Variants in CADM2 observed in about 807,000 individuals in gnomAD.
The protein encoded by CADM2 is immunoglobulin superfamily member 4D.
A neutral mutation model predicts 49.8 loss-of-function variants in CADM2; 12 were observed. The observed-to-expected ratio is 0.24, with a 90% CI of 0.15 to 0.39. CADM2 has a LOEUF of 0.39. CADM2 is among the 10% of genes least tolerant of loss of function. The pLI, the probability that CADM2 is intolerant of heterozygous loss-of-function variation, is 1.00. For missense variants in CADM2, 378 were observed against 492.3 expected, an observed-to-expected ratio of 0.77 and a Z score of 2.20; for synonymous variants, 214 against 175.4, an observed-to-expected ratio of 1.22 and a Z score of -1.74.
At chr3:85,515,967 T>C (rs1179426305) in intron 1 of CADM2, among the ~76,000 whole-genome samples, 1 of 152,186 alleles carries the variant, frequency 6.6e-6, no homozygotes, top group African/African-American at 2.4e-5. Flanking sequence ...ATTTTTAAAC[T>C]ACACAAACTT....
At chr3:85,490,985 A>C (rs1247402741) in intron 1 of CADM2, among the ~76,000 whole-genome samples, 1 of 152,206 alleles carries the variant, frequency 6.6e-6, no homozygotes, top group Non-Finnish European at 1.5e-5. Context: ...TTAGATATTT[A>C]AAAGAAATAT....
In CADM2 at chr3:85,150,744, A is replaced by T. The variant is rs1437751608; in HGVS notation, c.61+191076A>T. On this transcript the variant is annotated intron_variant, in intron 1 of 9. Coordinates refer to ENST00000383699, the MANE Select transcript of CADM2 (RefSeq NM_001167675.2). ...ATAGTGAAACCGTCTCTACTAAAAA[A>T]AAAAGGAAAAAAAAATTAGCCAGGT... 6.6e-5 allele frequency among the ~76,000 whole-genome samples: 10 copies of T among 151,418 alleles called. No individual in the cohort carries two copies. In the East Asian group the frequency reaches 1.8e-3, roughly 27 times the overall value.
intron 8 of CADM2, among the ~76,000 whole-genome samples, chr3:86,038,097 T>C (rs75158088): frequency 0.034 from 5,211 of 152,274 alleles, 175 homozygotes; most frequent in African/African-American, 0.084. Context: ...TTTGACTTTC[T>C]GTTCCTGTTA....
chr3:85,952,315 T>C (rs974249978), intron 7 of CADM2, among the ~76,000 whole-genome samples: 2 of 150,970 alleles, frequency 1.3e-5, no homozygotes, highest in Non-Finnish European at 3.0e-5. Context: ...CTGTATTGCC[T>C]TTTCTTATTT....
At chr3:85,538,430 G>A (rs2061469757) in intron 1 of CADM2, among the ~76,000 whole-genome samples, 1 of 138,324 alleles carries the variant, frequency 7.2e-6, no homozygotes, top group South Asian at 2.4e-4. Flanking sequence ...ATGCTGAGAT[G>A]CAGGTTCAGG....
At chr3:85,652,778 T>TTTTTTTTTTTTTTTTTTTTTTTTTTTA (rs1366532759) in intron 1 of CADM2, among the ~76,000 whole-genome samples, 1 of 121,020 alleles carries the variant, frequency 8.3e-6, no homozygotes, top group Non-Finnish European at 1.7e-5. Flanking sequence ...TTTTCTTTTT[T>TTTTTTTTTTTTTTTTTTTTTTTTTTTA]TTTTTTTTTT....
At chr3:85,100,153 C>T (rs1429469937) in intron 1 of CADM2, among the ~76,000 whole-genome samples, 1 of 152,126 alleles carries the variant, frequency 6.6e-6, no homozygotes, top group African/African-American at 2.4e-5. Flanking sequence ...CCAGTGATGG[C>T]TTCATGGATT....
At chr3:85,485,306 C>G (rs1409508550) in intron 1 of CADM2, among the ~76,000 whole-genome samples, 1 of 151,762 alleles carries the variant, frequency 6.6e-6, no homozygotes, top group Non-Finnish European at 1.5e-5. Context: ...GGTTTACTAT[C>G]AAGAAAAGAT....
chr3:85,329,608 CA>C (rs1393769311), intron 1 of CADM2, among the ~76,000 whole-genome samples: 1 of 151,662 alleles, frequency 6.6e-6, no homozygotes, highest in Non-Finnish European at 1.5e-5. Context: ...CAAAAACAAA[CA>C]AAAAAACAAA....
chr3:85,650,881 T>C (rs1348410384), intron 1 of CADM2, among the ~76,000 whole-genome samples: 1 of 148,972 alleles, frequency 6.7e-6, no homozygotes, highest in Admixed American at 6.8e-5. Flanking sequence ...CATTATATAC[T>C]TCTTTGTAAA....
intron 2 of CADM2, among the ~76,000 whole-genome samples, chr3:85,783,634 C>A (rs760911055): frequency 9.2e-5 from 14 of 152,138 alleles, no homozygotes; most frequent in Non-Finnish European, 1.5e-4. Flanking sequence ...GCATTACATG[C>A]CAAAATTTCC....
intron 1 of CADM2, among the ~76,000 whole-genome samples, chr3:85,375,623 A>T (rs961605840): frequency 6.6e-6 from 1 of 152,218 alleles, no homozygotes; most frequent in Non-Finnish European, 1.5e-5. Context: ...CTGAAAGAAC[A>T]GAAAACAAAA....
At chr3:85,903,120 T>C (rs980220550) in intron 5 of CADM2, among the ~76,000 whole-genome samples, 1 of 152,146 alleles carries the variant, frequency 6.6e-6, no homozygotes, top group Non-Finnish European at 1.5e-5. Flanking sequence ...GCTGTTATTG[T>C]CAAATATATT....
intron 1 of CADM2, among the ~76,000 whole-genome samples, chr3:85,170,127 C>T (rs1257519376): frequency 1.3e-5 from 2 of 152,130 alleles, no homozygotes; most frequent in Non-Finnish European, 2.9e-5. Flanking sequence ...AACACTACAA[C>T]CTTTTATTCA....
chr3:85,227,955 A>G (rs527679788), intron 1 of CADM2, among the ~76,000 whole-genome samples: 1 of 152,272 alleles, frequency 6.6e-6, no homozygotes, highest in Admixed American at 6.5e-5. Context: ...AGAATGTTGA[A>G]TATTGGCCCC....
At chr3:85,595,626 C>T (rs1279867188) in intron 1 of CADM2, among the ~76,000 whole-genome samples, 2 of 151,822 alleles carry the variant, frequency 1.3e-5, no homozygotes, top group African/African-American at 4.8e-5. Context: ...CCTTTTATAT[C>T]CTAGATTATA....
At chr3:85,564,557 A>T (rs1311314885) in intron 1 of CADM2, among the ~76,000 whole-genome samples, 1 of 152,152 alleles carries the variant, frequency 6.6e-6, no homozygotes, top group Admixed American at 6.5e-5. Context: ...CTTTAATGAT[A>T]CGATTTAAAT....
At chr3:85,001,691 T>C (rs968578313) in intron 1 of CADM2, among the ~76,000 whole-genome samples, 8 of 152,024 alleles carry the variant, frequency 5.3e-5, no homozygotes, top group African/African-American at 1.9e-4. Context: ...ATCAAAGATA[T>C]GAAACGCCTT....
intron 1 of CADM2, among the ~76,000 whole-genome samples, chr3:85,071,566 T>A (rs1461788442): frequency 2.0e-5 from 3 of 152,178 alleles, no homozygotes; most frequent in African/African-American, 7.2e-5. Context: ...ATTCATTTAT[T>A]AAAATATTTT....
Sources: allele counts gnomAD v4.1 joint callset (sites outside exome capture counted in the v4.1 genomes callset), GRCh38; gene constraint gnomAD v4.1.1; transcripts MANE v1.5; gene names NCBI Gene and HGNC (gene_info 2026-07-23, HGNC 2026-07-21).